The following SSB variants were observed in gnomAD, a reference collection of about 807,000 sequenced individuals.
SSB encodes lupus La protein.
A neutral mutation model predicts 52.9 loss-of-function variants in SSB; 17 were observed. The ratio of observed to expected loss-of-function variants is 0.32; its 90% CI spans 0.22 to 0.48. The LOEUF is 0.48. SSB is among the 20% of genes least tolerant of loss of function. The pLI is 0.99. For missense variants in SSB, 314 were observed against 463.6 expected (o/e 0.68, Z 2.96); for synonymous variants, 111 against 152.1 (o/e 0.73, Z 1.99).
At chr2:169,807,584 C>T (rs1189128965) in intron 6 of SSB, among the ~76,000 whole-genome samples, 2 of 152,172 alleles carry the variant, frequency 1.3e-5, no homozygotes, top group Non-Finnish European at 2.9e-5. Flanking sequence ...CCACTGCGCC[C>T]AGCCACTGTT....
In SSB at chr2:169,811,986, AT is replaced by A; in HGVS notation, c.*232del. 1 of 1,078,902 alleles carries A rather than the reference AT, an allele frequency of 9.3e-7. No individual in the cohort carries two copies. Among genetic ancestry groups the A allele is most frequent in the South Asian group, 1.5e-5 (1 of 65,266 alleles). The allele number at this position is 1,078,902 out of a possible 1,614,324, so 66.8% of individuals were successfully genotyped here. On this transcript the variant is annotated 3_prime_UTR_variant, in exon 12 of 12. Coordinates refer to ENST00000260956, the MANE Select transcript of SSB (RefSeq NM_003142.5). Reference sequence around the variant, plus strand: ...CAAATATCAAAAGGAAGATTCTTCCATTAAATTGCCTTTGTAATATGAGAAT... The same window carrying A: ...CAAATATCAAAAGGAAGATTCTTCCATAAATTGCCTTTGTAATATGAGAAT...
rs1553482596 is a variant in SSB, at chr2:169,807,760, T to TTA, written c.554+689_554+690insTA. ...GTCTTTTTTTTTTTTTTTTTTTTTT[T>TTA]ACAGTACAAAGGATTTGAGATTTGG... On this transcript the variant is annotated intron_variant, in intron 6 of 11. Coordinates refer to ENST00000260956, the MANE Select transcript of SSB (RefSeq NM_003142.5). 4.3e-4 allele frequency among the ~76,000 whole-genome samples: 57 copies of TTA among 132,472 alleles called. 1 individual carries two copies. The highest frequency in any genetic ancestry group is 8.4e-4 in the African/African-American group (31 of 36,736). The allele number at this position is 132,472 out of a possible 152,430, so 86.9% of individuals were successfully genotyped here. A position where few individuals can be genotyped will look rare whatever the true frequency, so the allele number is the denominator to read the frequency against.
intron 2 of SSB, among the ~76,000 whole-genome samples, chr2:169,805,255 T>G (rs538604072): frequency 3.3e-5 from 5 of 152,226 alleles, no homozygotes; most frequent in Non-Finnish European, 7.3e-5. Flanking sequence ...TTCTTTAAGG[T>G]TTTCTAGTCT....
intron 9 of SSB, 57 bp downstream of exon 9, chr2:169,810,480 G>A: frequency 6.8e-7 from 1 of 1,471,678 alleles, no homozygotes; most frequent in South Asian, 1.3e-5. Flanking sequence ...TAGAAACTTA[G>A]ACAAAATTAG....
intron 8 of SSB, among the ~76,000 whole-genome samples, chr2:169,809,494 C>G (rs555861233): frequency 2.6e-5 from 4 of 152,240 alleles, no homozygotes; most frequent in African/African-American, 7.2e-5. Context: ...TCTAAAGATT[C>G]TAATCATAGG....
chr2:169,807,124 C>A, intron 6 of SSB, 53 bp downstream of exon 6: 1 of 1,458,700 alleles, frequency 6.9e-7, no homozygotes, highest in Non-Finnish European at 9.6e-7. Context: ...TGGACACACA[C>A]TAGGGTAAGG....
chr2:169,802,139 A>C (rs1689725437), intron 2 of SSB, among the ~76,000 whole-genome samples: 1 of 152,232 alleles, frequency 6.6e-6, no homozygotes, highest in South Asian at 2.1e-4. Flanking sequence ...GGCTGTGATC[A>C]TACCACTGCA....
At chr2:169,801,051 C>T (rs754532353) in intron 2 of SSB, 25 bp downstream of exon 2, 7 of 1,535,184 alleles carry the variant, frequency 4.6e-6, no homozygotes, top group Non-Finnish European at 5.3e-6. Context: ...CTATAAACTG[C>T]AAAAACAAGT....
intron 2 of SSB, among the ~76,000 whole-genome samples, chr2:169,802,680 C>T (rs756590866): frequency 6.6e-6 from 1 of 151,924 alleles, no homozygotes; most frequent in Non-Finnish European, 1.5e-5. Context: ...TTTTAGTGGA[C>T]CTTATATTTT....
chr2:169,809,966 T>C (rs1689912726), intron 8 of SSB: 1 of 159,874 alleles, frequency 6.3e-6, no homozygotes, highest in Non-Finnish European at 1.4e-5. Context: ...TTTTCCAAGA[T>C]AGTTTAATAG....
intron 1 of SSB, among the ~76,000 whole-genome samples, chr2:169,800,552 A>AAAAG (rs1689691483): frequency 1.3e-5 from 2 of 150,784 alleles, no homozygotes; most frequent in African/African-American, 4.9e-5. Context: ...AAAAAAAAAA[A>AAAAG]AGAGGTGAAC....
At chr2:169,801,171 T>C (rs1689704699) in intron 2 of SSB, 145 bp downstream of exon 2, 1 of 542,942 alleles carries the variant, frequency 1.8e-6, no homozygotes, top group Non-Finnish European at 3.0e-6. Context: ...CAGTTTTATA[T>C]TGGTGGAGCC....
intron 1 of SSB, 59 bp downstream of exon 1, chr2:169,799,035 G>T (rs568365644): frequency 5.9e-5 from 9 of 152,368 alleles, no homozygotes; most frequent in African/African-American, 2.2e-4. Flanking sequence ...GCTGGTGCGC[G>T]ACTGCGCGTT....
rs778109478 is a variant in SSB, at chr2:169,810,848, T to G, written c.811-10T>G. 73 of 1,581,294 alleles carry G rather than the reference T, an allele frequency of 4.6e-5. No homozygotes were observed. The highest frequency in any genetic ancestry group is 1.4e-4 in the Admixed American group (7 of 49,860). ...AAGGGTATGGCTTTTGTTTTCTGTC[T>G]CTGGTATAGGGGATAATTCTATTTA... is the stretch of plus-strand genomic sequence containing the variant. On this transcript the variant is annotated splice_polypyrimidine_tract_variant and intron_variant, in intron 9 of 11. Transcript: ENST00000260956.
chr2:169,812,008 A>G lies in SSB; in HGVS notation c.*252A>G. 1 of 830,022 alleles carries G rather than the reference A, an allele frequency of 1.2e-6. No individual in the cohort carries two copies. Among genetic ancestry groups the G allele is most frequent in the Non-Finnish European group, 1.9e-6 (1 of 529,824 alleles). 51.4% of individuals were successfully genotyped at this position (830,022 alleles called of 1,614,324 possible). On this transcript the variant is annotated 3_prime_UTR_variant, in exon 12 of 12. Transcript: ENST00000260956. The stretch of plus-strand genomic sequence containing the variant: ...TCCATTAAATTGCCTTTGTAATATG[A>G]GAATGTATTAGTACAAACTAACTAA...
At chr2:169,809,178 C>T (rs1285694596) in intron 8 of SSB, among the ~76,000 whole-genome samples, 3 of 152,156 alleles carry the variant, frequency 2.0e-5, no homozygotes, top group Non-Finnish European at 2.9e-5. Flanking sequence ...GCACGGAGTT[C>T]GAGACCAGCC....
At chr2:169,801,098 A>G (rs1172936233) in intron 2 of SSB, 72 bp downstream of exon 2, 3 of 1,264,914 alleles carry the variant, frequency 2.4e-6, no homozygotes, top group Non-Finnish European at 2.2e-6. Flanking sequence ...ATTTAATTCT[A>G]GTACATGGAC....
At chr2:169,803,864 G>A (rs1689763404) in intron 2 of SSB, among the ~76,000 whole-genome samples, 1 of 151,858 alleles carries the variant, frequency 6.6e-6, no homozygotes, top group Admixed American at 6.6e-5. Context: ...TCAGCCATCC[G>A]AGTAGTTGGG....
At position 169,800,955 on chromosome 2, in the gene SSB, G is replaced by T; in HGVS notation, c.-6G>T. 1 of 1,579,936 alleles carries T rather than the reference G, an allele frequency of 6.3e-7. No homozygotes were observed. The highest frequency in any genetic ancestry group is 8.6e-7 in the Non-Finnish European group (1 of 1,167,888). ...GCTAATTTGGGAAATTTTACAGATAGCCGCAATGGCTGAAAATGGTGATAA... is the reference window on the plus strand; with the variant it reads ...GCTAATTTGGGAAATTTTACAGATATCCGCAATGGCTGAAAATGGTGATAA... On this transcript the variant is annotated 5_prime_UTR_variant, in exon 2 of 12. Coordinates refer to ENST00000260956, the MANE Select transcript of SSB (RefSeq NM_003142.5).
Sources: gnomAD v4.1 joint callset for allele counts (sites outside exome capture counted in the v4.1 genomes callset) on GRCh38, gnomAD v4.1.1 for gene constraint, MANE v1.5 for transcripts, NCBI Gene and HGNC (gene_info 2026-07-23, HGNC 2026-07-21) for gene names.